CYTH1: variants seen among roughly 807,000 people sequenced by gnomAD.
CYTH1 encodes the protein cytohesin-1.
Under a neutral mutation model 61.8 loss-of-function variants are expected in CYTH1, and 18 were observed. The ratio of observed to expected loss-of-function variants is 0.29; its 90% CI spans 0.20 to 0.43. The LOEUF (loss-of-function observed/expected upper bound fraction) is 0.43, where lower values mean the gene tolerates loss of function less well. Ranked by LOEUF, CYTH1 falls within the 20% of genes least tolerant of loss-of-function variation. The probability of loss-of-function intolerance (pLI) is 1.00; values close to 1 mark genes in which losing one functional copy is unlikely to be tolerated. For missense variants in CYTH1, 336 were observed against 510.5 expected (o/e 0.66, Z 3.29); for synonymous variants, 174 against 184.3 (o/e 0.94, Z 0.45).
At chr17:78,698,600 C>A (rs1421659455) in intron 8 of CYTH1, among the ~76,000 whole-genome samples, 2 of 152,178 alleles carry the variant, frequency 1.3e-5, no homozygotes, top group African/African-American at 4.8e-5. Flanking sequence ...AGCCTGACTT[C>A]TATTCAAGCT....
intron 1 of CYTH1, among the ~76,000 whole-genome samples, chr17:78,781,094 C>T (rs1258045747): frequency 2.0e-5 from 3 of 151,450 alleles, no homozygotes; most frequent in African/African-American, 4.8e-5. Flanking sequence ...ATGGTTCCAG[C>T]CACTCAAGAG....
At chr17:78,742,673 T>C (rs1224251805) in intron 1 of CYTH1, among the ~76,000 whole-genome samples, 1 of 151,934 alleles carries the variant, frequency 6.6e-6, no homozygotes, top group Non-Finnish European at 1.5e-5. Context: ...GCCGACATGG[T>C]GAAACCCTGT....
intron 1 of CYTH1, among the ~76,000 whole-genome samples, chr17:78,729,702 TGGTAATTTAAAAGAATGA>T (rs769939248): frequency 4.4e-4 from 67 of 152,236 alleles, no homozygotes; most frequent in Admixed American, 2.4e-3. Context: ...AAAAACTACT[TGGTAATTTAAAAGAATGA>T]GGTGATTTGT....
rs886835136 is a variant in CYTH1, at chr17:78,709,730, G to A, written c.25C>T (p.Pro9Ser). MEEDDSYVPSDLTAEERQE... is the reference protein window; with the variant it reads MEEDDSYVSSDLTAEERQE... ...CGCTCCTCTGCTGTCAGGTCACTGG[G>A]AACTACAAAAATGGAGGGCAATGTT... Residue 9 changes from proline (P) to serine (S), a missense_variant and splice_region_variant, in exon 2 of 14, where the codon CCC (proline) becomes TCC (serine). Physicochemically the swap from Pro to Ser is moderately conservative, Grantham distance 74 (BLOSUM62 -1). Around this residue, in one of 4 missense-constraint regions of CYTH1, gnomAD observed 112 missense variants for 127.1 expected, o/e 0.88. Transcript: ENST00000446868. 9 of 1,613,544 alleles carry A rather than the reference G, an allele frequency of 5.6e-6. No homozygotes were observed. Among genetic ancestry groups the A allele is most frequent in the Non-Finnish European group, 6.8e-6 (8 of 1,179,868 alleles).
intron 10 of CYTH1, among the ~76,000 whole-genome samples, chr17:78,694,877 C>T (rs533548495): frequency 6.6e-5 from 10 of 152,216 alleles, no homozygotes; most frequent in African/African-American, 1.7e-4. Context: ...TGTGGGCCCA[C>T]GGGGAACATT....
At chr17:78,681,327 A>G (rs1188663956) in intron 11 of CYTH1, among the ~76,000 whole-genome samples, 1 of 152,058 alleles carries the variant, frequency 6.6e-6, no homozygotes, top group African/African-American at 2.4e-5. Flanking sequence ...TCAAGCAGGG[A>G]GTGTGCGGGC....
At chr17:78,715,469 T>C (rs2144488619) in intron 1 of CYTH1, among the ~76,000 whole-genome samples, 1 of 152,222 alleles carries the variant, frequency 6.6e-6, no homozygotes. Context: ...TCAACTGTGA[T>C]GGCCAACAGC....
chr17:78,708,266 A>T lies in CYTH1; in HGVS notation c.106-5T>A. On this transcript the variant is annotated splice_polypyrimidine_tract_variant and splice_region_variant and intron_variant, in intron 2 of 13. Coordinates refer to ENST00000446868, the MANE Select transcript of CYTH1 (RefSeq NM_004762.6). ...TGCTATCTCATCCTTCAGCCTCTAT[A>T]AAACAGACAGTCCAGAGTCAGCAGG... is the stretch of plus-strand genomic sequence containing the variant. 6.2e-7 allele frequency: 1 copy of T among 1,611,766 alleles called. No homozygotes were observed. The highest frequency in any genetic ancestry group is 8.5e-7 in the Non-Finnish European group (1 of 1,179,362).
At chr17:78,683,457 C>T (rs757631149) in intron 11 of CYTH1, among the ~76,000 whole-genome samples, 4 of 152,210 alleles carry the variant, frequency 2.6e-5, no homozygotes, top group Non-Finnish European at 5.9e-5. Context: ...AGGCTGTCTG[C>T]TGGGGAATCT....
At chr17:78,752,573 C>T (rs1465015489) in intron 1 of CYTH1, among the ~76,000 whole-genome samples, 1 of 152,140 alleles carries the variant, frequency 6.6e-6, no homozygotes, top group African/African-American at 2.4e-5. Context: ...ACTGAGACTA[C>T]AGGTGCGCGC....
chr17:78,693,415 G>C (rs1022196209), intron 10 of CYTH1, among the ~76,000 whole-genome samples: 2 of 152,002 alleles, frequency 1.3e-5, no homozygotes, highest in African/African-American at 4.8e-5. Flanking sequence ...TTGAGGTCAG[G>C]AGTTCAAGAC....
At chr17:78,773,746 T>G (rs1166602900) in intron 1 of CYTH1, among the ~76,000 whole-genome samples, 2 of 152,186 alleles carry the variant, frequency 1.3e-5, no homozygotes, top group African/African-American at 4.8e-5. Flanking sequence ...GGTTGAGAGA[T>G]CTTTCATCTT....
chr17:78,710,766 G>A (rs1330984119), intron 1 of CYTH1, among the ~76,000 whole-genome samples: 1 of 152,212 alleles, frequency 6.6e-6, no homozygotes, highest in African/African-American at 2.4e-5. Context: ...CAGAAGCTCA[G>A]AAGTGTTGGC....
chr17:78,688,600 G>C (rs2092842094), intron 11 of CYTH1, among the ~76,000 whole-genome samples: 1 of 152,216 alleles, frequency 6.6e-6, no homozygotes, highest in Non-Finnish European at 1.5e-5. Flanking sequence ...AGCCAGTCCT[G>C]GCTTTGGCAA....
chr17:78,728,657 T>G (rs1167919545), intron 1 of CYTH1, among the ~76,000 whole-genome samples: 3 of 150,440 alleles, frequency 2.0e-5, no homozygotes, highest in Non-Finnish European at 3.0e-5. Flanking sequence ...GTCAGAAAAA[T>G]ATGAAAGGGA....
rs562521424 is a variant in CYTH1, at chr17:78,756,751, G to A, written c.22+25451C>T. Among the ~76,000 whole-genome samples the A allele has an allele frequency of 1.7e-4, 26 of 151,924 alleles. No homozygotes were observed. The South Asian group carries it at 3.3e-3, about 19-fold the overall frequency. ...CTGGGGTGAGAGGATCACTTGAGCCGAGGAAGTCAAGGCTGCAGTGAGCTA... is the reference window on the plus strand; with the variant it reads ...CTGGGGTGAGAGGATCACTTGAGCCAAGGAAGTCAAGGCTGCAGTGAGCTA... On this transcript the variant is annotated intron_variant, in intron 1 of 13. Transcript: ENST00000446868.
In CYTH1 at chr17:78,752,676, G is replaced by A. The variant is rs540076446; in HGVS notation, c.22+29526C>T. Among the ~76,000 whole-genome samples the A allele has an allele frequency of 1.7e-3, 257 of 152,166 alleles. 1 individual carries two copies. Among genetic ancestry groups the A allele is most frequent in the Non-Finnish European group, 1.9e-3 (132 of 68,000 alleles). On this transcript the variant is annotated intron_variant, in intron 1 of 13. Coordinates refer to ENST00000446868, the MANE Select transcript of CYTH1 (RefSeq NM_004762.6). Reference sequence around the variant, plus strand: ...AAACTCCTGAGCTCATGATCCACCCGCCTCAGCCTCCCAATGTGCTGAGAT... The same window carrying A: ...AAACTCCTGAGCTCATGATCCACCCACCTCAGCCTCCCAATGTGCTGAGAT...
rs2093192276 is a variant in CYTH1, at chr17:78,717,596, G to C, written c.23-7864C>G. Among the ~76,000 whole-genome samples the C allele has an allele frequency of 6.6e-6, 1 of 152,166 alleles. No individual in the cohort carries two copies. The highest frequency in any genetic ancestry group is 2.4e-5 in the African/African-American group (1 of 41,436). On this transcript the variant is annotated intron_variant, in intron 1 of 13. Coordinates refer to ENST00000446868, the MANE Select transcript of CYTH1 (RefSeq NM_004762.6). The surrounding 1 kb of genome is among the most constrained non-coding windows in gnomAD (Gnocchi z 4.4). ...AAAGGAGGACTGTCTTAAAGGGACA[G>C]AGCCCTCTTTCCAAGCCAGAGGACG...
At chr17:78,718,278 CTCT>C (rs1368523947) in intron 1 of CYTH1, among the ~76,000 whole-genome samples, 2 of 151,352 alleles carry the variant, frequency 1.3e-5, no homozygotes, top group African/African-American at 4.9e-5. Context: ...CGCTCCTTCT[CTCT>C]TAACCTTAAG....
Sources: allele counts gnomAD v4.1 joint callset (sites outside exome capture counted in the v4.1 genomes callset), GRCh38; gene constraint gnomAD v4.1.1; regional missense constraint gnomAD v4.1.1; non-coding constraint Gnocchi (gnomAD v3.1); transcripts MANE v1.5; gene names NCBI Gene and HGNC (gene_info 2026-07-23, HGNC 2026-07-21).